RAVER2: variants seen among roughly 807,000 people sequenced by gnomAD.
RAVER2 encodes ribonucleoprotein PTB-binding 2.
A neutral mutation model predicts 78.1 loss-of-function variants in RAVER2; 46 were observed. The ratio of observed to expected loss-of-function variants is 0.59; its 90% confidence interval spans 0.46 to 0.75. RAVER2 has a LOEUF of 0.75. Ranked by LOEUF, RAVER2 falls within the 30% of genes least tolerant of loss-of-function variation. RAVER2 has a pLI of 0.00. For synonymous variants in RAVER2, 311 were observed against 313.3 expected, an observed-to-expected ratio of 0.99 and a Z score of 0.08; for missense variants, 793 against 837.5, an observed-to-expected ratio of 0.95 and a Z score of 0.66.
intron 11 of RAVER2, among the ~76,000 whole-genome samples, chr1:64,819,798 G>T (rs1331731770): frequency 3.3e-5 from 5 of 152,090 alleles, no homozygotes; most frequent in Admixed American, 6.5e-5. Context: ...TACTATTAAC[G>T]TTTGGGGCTG....
At chr1:64,825,104 CAG>C (rs1487044083) in intron 11 of RAVER2, among the ~76,000 whole-genome samples, 5 of 151,858 alleles carry the variant, frequency 3.3e-5, no homozygotes, top group African/African-American at 9.7e-5. Context: ...ATATATCAGA[CAG>C]AGACATTTTA....
intron 5 of RAVER2, among the ~76,000 whole-genome samples, chr1:64,797,353 G>A (rs2100863268): frequency 6.6e-6 from 1 of 152,272 alleles, no homozygotes; most frequent in South Asian, 2.1e-4. Context: ...AGAGCAGGTA[G>A]GCATGATGCT....
intron 11 of RAVER2, among the ~76,000 whole-genome samples, chr1:64,822,144 T>C (rs1209441055): frequency 1.3e-5 from 2 of 151,916 alleles, no homozygotes; most frequent in African/African-American, 4.8e-5. Flanking sequence ...AAAAATTAGC[T>C]GGGTGTGGTG....
chr1:64,810,369 G>C lies in RAVER2; in HGVS notation c.1681-2369G>C, dbSNP rs1653570794. 2.6e-5 allele frequency among the ~76,000 whole-genome samples: 4 copies of C among 152,310 alleles called. No individual in the cohort carries two copies. In the East Asian group the frequency reaches 7.7e-4, roughly 29 times the overall value. ...TGCAAGGTGCCAGCAAATCCAGTGT[G>C]TGATGAGGATACTGTTCCTGCTTTA... is the stretch of plus-strand genomic sequence containing the variant. On this transcript the variant is annotated intron_variant, in intron 9 of 11. Transcript: ENST00000294428.
intron 9 of RAVER2, 83 bp from the exon 10 acceptor site, chr1:64,812,655 G>T (rs1653646211): frequency 4.7e-6 from 4 of 858,288 alleles, no homozygotes; most frequent in Non-Finnish European, 7.2e-6. Flanking sequence ...TAGATGTATT[G>T]AAAAATAAGT....
chr1:64,777,952 C>G, exon 3 of RAVER2: 1 of 1,614,056 alleles, frequency 6.2e-7, no homozygotes, highest in Non-Finnish European at 8.5e-7. Flanking sequence ...ACTCTTTGCA[C>G]AATGGATGGA....
In RAVER2 at chr1:64,745,714, G is replaced by C. The variant is rs1385481454; in HGVS notation, c.249+293G>C. On this transcript the variant is annotated intron_variant, in intron 1 of 11. Coordinates refer to ENST00000294428, the Ensembl canonical transcript of RAVER2. The surrounding 1 kb of genome is among the most constrained non-coding windows in gnomAD (Gnocchi z 4.3). ...TCGGCCCGGTCTTTCCTTCCCCTAC[G>C]GCCGTAGAGGAGTAGGAGGTGAAGG... 6.6e-6 allele frequency among the ~76,000 whole-genome samples: 1 copy of C among 152,018 alleles called. No individual in the cohort carries two copies. Among genetic ancestry groups the C allele is most frequent in the Non-Finnish European group, 1.5e-5 (1 of 67,990 alleles).
chr1:64,761,882 G>T (rs1652032880), intron 1 of RAVER2, among the ~76,000 whole-genome samples: 2 of 152,064 alleles, frequency 1.3e-5, no homozygotes, highest in Non-Finnish European at 2.9e-5. Flanking sequence ...GGCCGAGGCA[G>T]GTGTATTGCT....
intron 1 of RAVER2, among the ~76,000 whole-genome samples, chr1:64,757,239 T>C (rs1651880124): frequency 3.3e-5 from 5 of 152,212 alleles, no homozygotes; most frequent in Admixed American, 3.3e-4. Context: ...AGCCCTAGAA[T>C]CAGCCATTTC....
chr1:64,821,092 G>A (rs1404598788), intron 11 of RAVER2, among the ~76,000 whole-genome samples: 2 of 151,924 alleles, frequency 1.3e-5, no homozygotes, highest in East Asian at 1.9e-4. Context: ...TTTTAATAAC[G>A]GCCAATTCTG....
chr1:64,765,748 GGTGTTTC>G (rs1652158957), intron 1 of RAVER2, among the ~76,000 whole-genome samples: 1 of 151,960 alleles, frequency 6.6e-6, no homozygotes, highest in African/African-American at 2.4e-5. Flanking sequence ...TTTGGTGTTT[GGTGTTTC>G]ATCTTTTCAT....
chr1:64,805,005 T>C, exon 8 of RAVER2: 1 of 1,613,952 alleles, frequency 6.2e-7, no homozygotes, highest in South Asian at 1.1e-5. Flanking sequence ...CCGGCTTACT[T>C]GGAGAGCCCC....
intron 5 of RAVER2, among the ~76,000 whole-genome samples, chr1:64,793,794 A>G (rs191093959): frequency 1.3e-5 from 2 of 152,294 alleles, no homozygotes; most frequent in African/African-American, 2.4e-5. Flanking sequence ...AGAAATTGGT[A>G]TAAGAGGAAT....
chr1:64,765,985 TG>T (rs1250072344), intron 1 of RAVER2, among the ~76,000 whole-genome samples: 1 of 152,316 alleles, frequency 6.6e-6, no homozygotes, highest in East Asian at 1.9e-4. Flanking sequence ...CTAGATCAGC[TG>T]GAACAATGGT....
chr1:64,791,092 T>C (rs370514178), intron 5 of RAVER2, among the ~76,000 whole-genome samples: 2 of 152,286 alleles, frequency 1.3e-5, no homozygotes, highest in African/African-American at 2.4e-5. Context: ...TACAGTTTTA[T>C]TATAAAGAGC....
intron 2 of RAVER2, among the ~76,000 whole-genome samples, chr1:64,775,438 A>G (rs757280215): frequency 1.3e-5 from 2 of 152,212 alleles, no homozygotes; most frequent in Non-Finnish European, 2.9e-5. Context: ...CTGTTCACCA[A>G]AACATTTCCA....
At position 64,747,625 on chromosome 1, in the gene RAVER2, G is replaced by A. The variant is rs575414935; in HGVS notation, c.249+2204G>A. On this transcript the variant is annotated intron_variant, in intron 1 of 11. Transcript: ENST00000294428. ...CTCCCAGGTCCAAGTGATTCTCCCT[G>A]CCTCAGCCTCCCAAGTAGCTGGGAT... is the stretch of plus-strand genomic sequence containing the variant. Among the ~76,000 whole-genome samples, 10 of 151,756 alleles carry A rather than the reference G, an allele frequency of 6.6e-5. No individual in the cohort carries two copies. In the South Asian group the frequency reaches 1.9e-3, roughly 28 times the overall value.
intron 1 of RAVER2, among the ~76,000 whole-genome samples, chr1:64,753,873 C>T (rs1380687813): frequency 6.6e-6 from 1 of 152,112 alleles, no homozygotes; most frequent in East Asian, 1.9e-4. Flanking sequence ...GTTTTTAGGA[C>T]ATGATTCCAA....
Position 64,830,961 on chromosome 1 carries a change from C to A in RAVER2, c.2052C>A (p.Tyr684Ter). The A allele has an allele frequency of 6.2e-7, 1 of 1,613,656 alleles. No individual in the cohort carries two copies. The highest frequency in any genetic ancestry group is 8.5e-7 in the Non-Finnish European group (1 of 1,179,704). ...CAGGAGCATATTACATGGAAACTTA[C>A]TTAAAAAAGAAGCGAGTATACTGAG... Residue 684 changes from tyrosine to a stop codon, truncating the protein, a stop_gained, in exon 12 of 12, where the codon TAC becomes TAA. Coordinates refer to ENST00000294428, the Ensembl canonical transcript of RAVER2. LOFTEE classifies it high-confidence loss of function.
Sources: allele counts gnomAD v4.1 joint callset (sites outside exome capture counted in the v4.1 genomes callset), GRCh38; gene constraint gnomAD v4.1.1; non-coding constraint Gnocchi (gnomAD v3.1); transcripts MANE v1.5; gene names NCBI Gene and HGNC (gene_info 2026-07-23, HGNC 2026-07-21).